HIVEP1: variants seen among roughly 807,000 people sequenced by gnomAD.
HIVEP1 encodes HIVEP zinc finger 1, also known as zinc finger protein 40.
A neutral mutation model predicts 180.0 loss-of-function variants in HIVEP1; 36 were observed. That is an observed-to-expected ratio of 0.20 (90% CI 0.15 to 0.26). The LOEUF is 0.26. Among genes scored for constraint, HIVEP1 ranks in the 10% least tolerant of loss-of-function variants. The pLI, the probability that HIVEP1 is intolerant of heterozygous loss-of-function variation, is 1.00. For synonymous variants in HIVEP1, 1,239 were observed against 1,239.0 expected, an observed-to-expected ratio of 1.00 and a Z score of 0.00; for missense variants, 3,143 against 3,268.7, an observed-to-expected ratio of 0.96 and a Z score of 0.94.
Position 12,122,706 on chromosome 6 carries a change from C to G in HIVEP1, c.2911C>G (p.Leu971Val). 6.2e-7 allele frequency: 1 copy of G among 1,613,966 alleles called. No homozygotes were observed. The highest frequency in any genetic ancestry group is 8.5e-7 in the Non-Finnish European group (1 of 1,179,976). ...AACTTGTAGAAACAGGTATAGGAAA[C>G]TGGAAAATTTTGAAAATCATAAGAA... ...CETCRNRYRK[L>V]ENFENHKKFY... The change falls in exon 4 of 9, where the codon CTG becomes GTG. Residue 971 changes from leucine (L) to valine (V), a missense_variant. Physicochemically the swap from Leu to Val is conservative, Grantham distance 32. Coordinates refer to ENST00000379388, the MANE Select transcript of HIVEP1 (RefSeq NM_002114.4).
chr6:12,123,264 G>T lies in HIVEP1; in HGVS notation c.3469G>T (p.Ala1157Ser). 2 of 1,614,154 alleles carry T rather than the reference G, an allele frequency of 1.2e-6. No individual in the cohort carries two copies. The highest frequency in any genetic ancestry group is 2.2e-5 in the East Asian group (1 of 44,882). ...SFDKPEPFER[A>S]SPVSFQELNR... ...TGACAAGCCTGAGCCTTTTGAAAGA[G>T]CCTCCCCAGTTTCTTTCCAGGAGCT... The change falls in exon 4 of 9, where the codon GCC becomes TCC. Residue 1157 changes from alanine (A) to serine (S), a missense_variant. This residue lies in a region of HIVEP1 where 1,357 missense variants were observed against 1,260.5 expected (regional missense o/e 1.08). Transcript: ENST00000379388.
At chr6:12,176,545 T>A in the HIVEP1 span, among the ~76,000 whole-genome samples, 1 of 152,094 alleles carries the variant, frequency 6.6e-6, no homozygotes, top group Admixed American at 6.6e-5. Flanking sequence ...CTTGGGTATG[T>A]TTTTAGGAGC....
At position 12,120,285 on chromosome 6, in the gene HIVEP1, G is replaced by C. The variant is rs373270702; in HGVS notation, c.490G>C (p.Asp164His). The change falls in exon 4 of 9, where the codon GAC becomes CAC. Residue 164 changes from aspartate to histidine, a missense_variant. Transcript: ENST00000379388. Reference protein sequence around the residue: ...AKFSDLDEQCDSSSLSSKTRT... With the variant: ...AKFSDLDEQCHSSSLSSKTRT... ...ATTCAGTGACCTCGATGAACAATGT[G>C]ACTCAAGTTCCTTGTCAAGTAAAAC... The C allele has an allele frequency of 2.5e-6, 4 of 1,614,154 alleles. No homozygotes were observed. The African/African-American group carries it at 5.3e-5, about 22-fold the overall frequency.
chr6:12,088,849 T>A (rs1195033484), intron 2 of HIVEP1, among the ~76,000 whole-genome samples: 1 of 152,162 alleles, frequency 6.6e-6, no homozygotes, highest in East Asian at 1.9e-4. Flanking sequence ...AAAATCCCTA[T>A]TAGGTACTTT....
chr6:12,184,376 G>C, the HIVEP1 span, among the ~76,000 whole-genome samples: 1 of 152,022 alleles, frequency 6.6e-6, no homozygotes, highest in East Asian at 1.9e-4. Flanking sequence ...TTTTTTCTTT[G>C]TCACCTGTTT....
In HIVEP1 at chr6:12,018,403, G is replaced by A. The variant is rs538097755; in HGVS notation, c.40+2735G>A. The stretch of plus-strand genomic sequence containing the variant: ...TGGGCACCAAGGCGGAGGAGGCGCC[G>A]AGAGCGAGTGAGGGCTGACAGCACG... On this transcript the variant is annotated intron_variant, in intron 2 of 8. Coordinates refer to ENST00000379388, the MANE Select transcript of HIVEP1 (RefSeq NM_002114.4). 3.3e-4 allele frequency among the ~76,000 whole-genome samples: 50 copies of A among 152,350 alleles called. No individual in the cohort carries two copies. In the South Asian group the frequency reaches 9.7e-3, roughly 30 times the overall value.
chr6:12,129,209 A>G (rs1230895303), intron 4 of HIVEP1, among the ~76,000 whole-genome samples: 2 of 152,346 alleles, frequency 1.3e-5, no homozygotes, highest in Non-Finnish European at 1.5e-5. Context: ...CCCCATGTCA[A>G]AAAAGATTTA....
chr6:12,109,223 G>C (rs1028570575), intron 3 of HIVEP1, among the ~76,000 whole-genome samples: 2 of 152,110 alleles, frequency 1.3e-5, no homozygotes, highest in African/African-American at 4.8e-5. Flanking sequence ...TCAATCTCCT[G>C]ACCTCGTGTT....
chr6:12,134,593 C>G (rs181343257), intron 6 of HIVEP1, among the ~76,000 whole-genome samples: 41 of 152,362 alleles, frequency 2.7e-4, no homozygotes, highest in Non-Finnish European at 7.3e-5. Context: ...TCAAATACTA[C>G]TTTGCCTCTG....
intron 2 of HIVEP1, among the ~76,000 whole-genome samples, chr6:12,073,353 A>T (rs999946739): frequency 2.6e-5 from 4 of 152,170 alleles, no homozygotes; most frequent in Admixed American, 2.6e-4. Flanking sequence ...CTACACAAGC[A>T]GTTCAAAAGA....
rs9366979 is a variant in HIVEP1, at chr6:12,098,908, G to T, written c.94+9671G>T. ...TGCAGGAAATTTATCAAACTTTGAA[G>T]GATGTAGCTTAGAATTTTTCCCTGA... On this transcript the variant is annotated intron_variant, in intron 3 of 8. Coordinates refer to ENST00000379388, the MANE Select transcript of HIVEP1 (RefSeq NM_002114.4). 0.012 allele frequency among the ~76,000 whole-genome samples: 1,755 copies of T among 152,264 alleles called. 60 individuals are homozygous for T. The East Asian group carries it at 0.12, about 10-fold the overall frequency.
the HIVEP1 span, among the ~76,000 whole-genome samples, chr6:12,179,811 T>A: frequency 6.6e-6 from 1 of 152,210 alleles, no homozygotes; most frequent in Non-Finnish European, 1.5e-5. Flanking sequence ...TTCCCAACAG[T>A]AGTTACTTAT....
rs1023299449 is a variant in HIVEP1, at chr6:12,125,323, G to A, written c.5528G>A (p.Cys1843Tyr). 1 of 1,613,986 alleles carries A rather than the reference G, an allele frequency of 6.2e-7. No homozygotes were observed. The highest frequency in any genetic ancestry group is 8.5e-7 in the Non-Finnish European group (1 of 1,179,976). The change falls in exon 4 of 9, where the codon TGC (cysteine) becomes TAC (tyrosine). Residue 1843 changes from cysteine (C) to tyrosine (Y), a missense_variant. This residue lies in a region of HIVEP1 where 1,357 missense variants were observed against 1,260.5 expected (regional missense o/e 1.08). Coordinates refer to ENST00000379388, the MANE Select transcript of HIVEP1 (RefSeq NM_002114.4). ...CCAGCTGATAATTCATCAACAGGAT[G>A]CTCTAAATTTGTCGTTATAGAACCT... is the stretch of plus-strand genomic sequence containing the variant. Reference protein sequence around the residue: ...VLPADNSSTGCSKFVVIEPIS... With the variant: ...VLPADNSSTGYSKFVVIEPIS...
chr6:12,152,960 T>C (rs1426550117), intron 7 of HIVEP1, among the ~76,000 whole-genome samples: 4 of 152,208 alleles, frequency 2.6e-5, no homozygotes, highest in African/African-American at 9.6e-5. Context: ...ATATATGGTG[T>C]TCGTTTTAAA....
intron 6 of HIVEP1, among the ~76,000 whole-genome samples, chr6:12,131,559 G>C (rs527578275): frequency 1.5e-4 from 22 of 151,500 alleles, no homozygotes; most frequent in African/African-American, 5.1e-4. Flanking sequence ...TTTTAAATAT[G>C]TTTTTATTTA....
the HIVEP1 span, among the ~76,000 whole-genome samples, chr6:12,196,795 G>A: frequency 6.6e-6 from 1 of 152,132 alleles, no homozygotes; most frequent in Non-Finnish European, 1.5e-5. Context: ...TCGATCTCAA[G>A]CTGCCCGGCA....
chr6:12,199,867 A>G, the HIVEP1 span, among the ~76,000 whole-genome samples: 1 of 152,166 alleles, frequency 6.6e-6, no homozygotes, highest in Admixed American at 6.5e-5. Flanking sequence ...TGCTGGTCTC[A>G]TCACCATTCC....
At chr6:12,206,510 CTG>C in the HIVEP1 span, among the ~76,000 whole-genome samples, 1 of 152,124 alleles carries the variant, frequency 6.6e-6, no homozygotes, top group Non-Finnish European at 1.5e-5. Flanking sequence ...CACATGAGGA[CTG>C]GAGTTATGTT....
chr6:12,171,553 G>C, the HIVEP1 span, among the ~76,000 whole-genome samples: 1 of 151,598 alleles, frequency 6.6e-6, no homozygotes, highest in African/African-American at 2.4e-5. Flanking sequence ...TAATCTGGCG[G>C]GTTCCTCACC....
Sources: gnomAD v4.1 joint callset for allele counts (sites outside exome capture counted in the v4.1 genomes callset) on GRCh38, gnomAD v4.1.1 for gene constraint, gnomAD v4.1.1 regional missense constraint, MANE v1.5 for transcripts, NCBI Gene and HGNC (gene_info 2026-07-23, HGNC 2026-07-21) for gene names.